Variants in HPSE2 observed in about 807,000 individuals in gnomAD.
The protein encoded by HPSE2 is inactive heparanase-2.
Under a neutral mutation model 60.5 loss-of-function variants are expected in HPSE2, and 38 were observed. The observed-to-expected ratio is 0.63, with a 90% CI of 0.48 to 0.82. The LOEUF (loss-of-function observed/expected upper bound fraction) is 0.82. Among genes scored for constraint, HPSE2 ranks in the 40% least tolerant of loss-of-function variants. HPSE2 has a pLI of 0.00. For synonymous variants in HPSE2, 295 were observed against 293.2 expected (o/e 1.01, Z -0.06); for missense variants, 713 against 740.4 (o/e 0.96, Z 0.43).
At chr10:99,291,651 G>T in the HPSE2 span, among the ~76,000 whole-genome samples, 1 of 151,296 alleles carries the variant, frequency 6.6e-6, no homozygotes, top group Admixed American at 6.6e-5. Context: ...CAACCTTTTG[G>T]CATCCTATCT....
rs1399596702 is a variant in HPSE2, at chr10:98,546,170, A to G, written c.1321-55974T>C. On this transcript the variant is annotated intron_variant, in intron 9 of 11. Coordinates refer to ENST00000370552, the MANE Select transcript of HPSE2 (RefSeq NM_021828.5). The stretch of plus-strand genomic sequence containing the variant: ...AATAAAAGAGGATACAAACAAATGG[A>G]AGAACATTCCATGCTCATGGGTAGG... Among the ~76,000 whole-genome samples the G allele has an allele frequency of 4.3e-5, 6 of 138,020 alleles. 1 individual carries two copies. Among genetic ancestry groups the G allele is most frequent in the African/African-American group, 7.5e-5 (3 of 40,028 alleles). The allele number at this position is 138,020 out of a possible 152,430, so 90.5% of individuals were successfully genotyped here.
At chr10:99,313,693 G>A in the HPSE2 span, among the ~76,000 whole-genome samples, 266 of 131,884 alleles carry the variant, frequency 2.0e-3, 2 homozygotes, top group African/African-American at 7.4e-3. Context: ...TCCATCTCCC[G>A]GGTTCAAGTG....
At chr10:99,304,368 G>A in the HPSE2 span, among the ~76,000 whole-genome samples, 1 of 152,198 alleles carries the variant, frequency 6.6e-6, no homozygotes, top group African/African-American at 2.4e-5. Flanking sequence ...AAATATGACT[G>A]CAAAGCTGCC....
intron 3 of HPSE2, among the ~76,000 whole-genome samples, chr10:99,023,630 C>T (rs1022441753): frequency 5.9e-5 from 9 of 152,150 alleles, no homozygotes; most frequent in Non-Finnish European, 1.3e-4. Context: ...CCAGCTCCAG[C>T]TTTATGTTGC....
At chr10:98,626,196 C>A (rs575298229) in intron 7 of HPSE2, among the ~76,000 whole-genome samples, 1 of 151,808 alleles carries the variant, frequency 6.6e-6, no homozygotes. Flanking sequence ...CAGTGAGTGG[C>A]GGTAGTCATG....
In HPSE2 at chr10:98,938,535, G is replaced by C. The variant is rs1390896788; in HGVS notation, c.611-194479C>G. ...GAAATGAAGCAAGAAGGGAAGTTTAGAGAAAAAAGAATAAAAACAAACAAA... is the reference window on the plus strand; with the variant it reads ...GAAATGAAGCAAGAAGGGAAGTTTACAGAAAAAAGAATAAAAACAAACAAA... On this transcript the variant is annotated intron_variant, in intron 3 of 11. Transcript: ENST00000370552. Among the ~76,000 whole-genome samples the C allele has an allele frequency of 2.8e-5, 4 of 143,576 alleles. 1 individual carries two copies. The highest frequency in any genetic ancestry group is 6.0e-5 in the Non-Finnish European group (4 of 67,124). The allele number at this position is 143,576 out of a possible 152,430, so 94.2% of individuals were successfully genotyped here.
chr10:98,851,547 C>A (rs552321505), intron 3 of HPSE2, among the ~76,000 whole-genome samples: 2 of 152,294 alleles, frequency 1.3e-5, no homozygotes, highest in South Asian at 4.1e-4. Context: ...TCACATAGAA[C>A]AATCCCTTCT....
intron 11 of HPSE2, among the ~76,000 whole-genome samples, chr10:98,464,933 GT>G (rs1564897430): frequency 2.6e-5 from 4 of 152,244 alleles, no homozygotes; most frequent in Middle Eastern, 6.8e-3. Context: ...CATTGCTAGT[GT>G]TTTCCATCCT....
chr10:98,489,673 T>C (rs187731874), intron 10 of HPSE2, among the ~76,000 whole-genome samples: 87 of 152,294 alleles, frequency 5.7e-4, no homozygotes, highest in African/African-American at 1.9e-3. Context: ...GCTTTGCTGG[T>C]GGATCATAGG....
chr10:98,896,122 A>C (rs1953486103), intron 3 of HPSE2, among the ~76,000 whole-genome samples: 1 of 152,086 alleles, frequency 6.6e-6, no homozygotes. Context: ...CCTCATCTAT[A>C]GTATCTCCTC....
chr10:98,962,809 C>A (rs1365849534), intron 3 of HPSE2, among the ~76,000 whole-genome samples: 1 of 151,128 alleles, frequency 6.6e-6, no homozygotes, highest in Non-Finnish European at 1.5e-5. Flanking sequence ...AGAGCCAAAT[C>A]ATGGGTGAAC....
intron 3 of HPSE2, among the ~76,000 whole-genome samples, chr10:98,834,282 C>A (rs957265323): frequency 4.6e-5 from 7 of 152,020 alleles, no homozygotes; most frequent in Non-Finnish European, 8.8e-5. Flanking sequence ...ATACTAATTC[C>A]ATTAATCCAT....
intron 3 of HPSE2, among the ~76,000 whole-genome samples, chr10:99,111,454 G>A (rs1419597497): frequency 2.6e-5 from 4 of 152,124 alleles, no homozygotes; most frequent in Non-Finnish European, 5.9e-5. Context: ...AAATCTAGAG[G>A]GAGAAGGCAG....
intron 9 of HPSE2, among the ~76,000 whole-genome samples, chr10:98,562,962 G>C (rs1944234834): frequency 6.6e-6 from 1 of 151,836 alleles, no homozygotes; most frequent in Admixed American, 6.6e-5. Flanking sequence ...GGTTCCTGGG[G>C]CTCTGGCTTA....
At chr10:98,491,223 T>C (rs1020746956) in intron 9 of HPSE2, among the ~76,000 whole-genome samples, 1 of 151,888 alleles carries the variant, frequency 6.6e-6, no homozygotes, top group African/African-American at 2.4e-5. Flanking sequence ...TTTTTTTTCT[T>C]GTGTGGTCAT....
chr10:98,618,720 G>A (rs1433733580), intron 8 of HPSE2, among the ~76,000 whole-genome samples: 3 of 152,144 alleles, frequency 2.0e-5, no homozygotes, highest in African/African-American at 7.2e-5. Context: ...GGGACTACAG[G>A]CGCATGCCAC....
intron 2 of HPSE2, among the ~76,000 whole-genome samples, chr10:99,160,121 A>G (rs1479412899): frequency 2.3e-5 from 1 of 43,286 alleles, no homozygotes; most frequent in East Asian, 8.0e-4. Context: ...AGACTCTGAC[A>G]AAAAAAAAAA....
chr10:98,638,933 CTG>C (rs1946568210), intron 7 of HPSE2, among the ~76,000 whole-genome samples: 1 of 152,222 alleles, frequency 6.6e-6, no homozygotes, highest in South Asian at 2.1e-4. Context: ...GAGGATGAAA[CTG>C]TGGAAGATCA....
At chr10:98,508,645 G>T (rs192653870) in intron 9 of HPSE2, among the ~76,000 whole-genome samples, 7 of 152,334 alleles carry the variant, frequency 4.6e-5, no homozygotes, top group Admixed American at 3.9e-4. Flanking sequence ...GACATTAGAA[G>T]ATGTGACCAT....
Sources: gnomAD v4.1 joint callset for allele counts (sites outside exome capture counted in the v4.1 genomes callset) on GRCh38, gnomAD v4.1.1 for gene constraint, MANE v1.5 for transcripts, NCBI Gene and HGNC (gene_info 2026-07-23, HGNC 2026-07-21) for gene names.